Variants in CNTN1 observed in about 807,000 individuals in gnomAD.
CNTN1 encodes the protein contactin-1.
Under a neutral mutation model 126.4 loss-of-function variants are expected in CNTN1, and 38 were observed. That is an observed-to-expected ratio of 0.30 (90% CI 0.23 to 0.39). The LOEUF is 0.39. Ranked by LOEUF, CNTN1 falls within the 10% of genes least tolerant of loss-of-function variation. The pLI is 1.00. For synonymous variants in CNTN1, 413 were observed against 422.6 expected (o/e 0.98, Z 0.28); for missense variants, 1,009 against 1,248.4 (o/e 0.81, Z 2.89).
At chr12:40,767,387 C>A (rs1939145042) in intron 1 of CNTN1, among the ~76,000 whole-genome samples, 1 of 136,568 alleles carries the variant, frequency 7.3e-6, no homozygotes, top group Non-Finnish European at 1.5e-5. Context: ...CGGCTCACTG[C>A]AAGCTCTGCC....
At chr12:40,714,315 G>A (rs552282834) in intron 1 of CNTN1, among the ~76,000 whole-genome samples, 1 of 152,172 alleles carries the variant, frequency 6.6e-6, no homozygotes, top group South Asian at 2.1e-4. Flanking sequence ...TGGGTTGCTG[G>A]ATAGTAACTG....
At chr12:41,014,104 A>G (rs1434482589) in intron 17 of CNTN1, 124 bp from the exon 18 acceptor site, 4 of 795,352 alleles carry the variant, frequency 5.0e-6, no homozygotes, top group African/African-American at 1.7e-5. Flanking sequence ...TTTGTCCAGT[A>G]TGTTTTTCCT....
intron 23 of CNTN1, among the ~76,000 whole-genome samples, chr12:41,051,893 AACACACACACACACACAC>A (rs71078300): frequency 2.4e-4 from 32 of 134,586 alleles, no homozygotes; most frequent in East Asian, 4.7e-4. Context: ...ACCCCACACA[AACACACACACACACACAC>A]ACACACACAC....
At chr12:40,905,981 TA>T (rs1944794862) in intron 1 of CNTN1, among the ~76,000 whole-genome samples, 1 of 152,160 alleles carries the variant, frequency 6.6e-6, no homozygotes, top group Non-Finnish European at 1.5e-5. Context: ...TCCTGTCCTC[TA>T]AAAGAATTGT....
rs560256001 is a variant in CNTN1, at chr12:41,067,769, A to T, written c.2981-2190A>T. Among the ~76,000 whole-genome samples the T allele has an allele frequency of 9.2e-5, 14 of 151,928 alleles. No homozygotes were observed. In the South Asian group the frequency reaches 1.2e-3, roughly 14 times the overall value. ...TACCCTAAAACTTAAAGTATAATAA[A>T]AAAAAAAAGGCTTCAGGATGGATCA... On this transcript the variant is annotated intron_variant, in intron 23 of 23. Transcript: ENST00000551295.
rs544330073 is a variant in CNTN1 at position 41,072,031 on chromosome 12, T to C, written c.*1996T>C. 2.9e-4 allele frequency: 44 copies of C among 152,076 alleles called. No individual in the cohort carries two copies. Among genetic ancestry groups the C allele is most frequent in the African/African-American group, 1.1e-3 (44 of 41,542 alleles). 9.4% of individuals were successfully genotyped at this position (152,076 alleles called of 1,614,324 possible). On this transcript the variant is annotated 3_prime_UTR_variant, in exon 24 of 24. Coordinates refer to ENST00000551295, the MANE Select transcript of CNTN1 (RefSeq NM_001843.4). ...GTAAGAGGAAAACAGACTTTGGAGG[T>C]TGTTTAGTTTTGAATTTCTGACAGA...
rs1374891415 is a variant in CNTN1, at chr12:40,936,825, A to G, written c.1030A>G (p.Ile344Val). The G allele has an allele frequency of 3.1e-6, 5 of 1,613,270 alleles. No homozygotes were observed. The highest frequency in any genetic ancestry group is 1.6e-4 in the Middle Eastern group (1 of 6,078). ...ACACATCAATGACACAGAGGTGGAC[A>G]TAGGCAGTGATCTCTACTGGCCTTG... is the stretch of plus-strand genomic sequence containing the variant. ...VEHINDTEVDIGSDLYWPCVA... is the reference protein window; with the variant it reads ...VEHINDTEVDVGSDLYWPCVA... The change falls in exon 10 of 24, where the codon ATA (isoleucine) becomes GTA (valine). Residue 344 changes from isoleucine to valine, a missense_variant. Coordinates refer to ENST00000551295, the MANE Select transcript of CNTN1 (RefSeq NM_001843.4).
intron 17 of CNTN1, among the ~76,000 whole-genome samples, chr12:41,007,161 G>A (rs1030088559): frequency 8.3e-5 from 11 of 132,926 alleles, no homozygotes; most frequent in African/African-American, 2.0e-4. Context: ...CCGGGTTCAC[G>A]CCATTCTCCT....
At chr12:40,837,449 A>T (rs1447467371) in intron 1 of CNTN1, among the ~76,000 whole-genome samples, 1 of 152,166 alleles carries the variant, frequency 6.6e-6, no homozygotes, top group Admixed American at 6.5e-5. Context: ...AGTCCTGACT[A>T]TAGGAGAACC....
chr12:40,888,630 G>T (rs2136719594), intron 1 of CNTN1, among the ~76,000 whole-genome samples: 1 of 152,246 alleles, frequency 6.6e-6, no homozygotes, highest in South Asian at 2.1e-4. Context: ...AAAAAAGGAA[G>T]TATATAGAAT....
rs1270737020 is a variant in CNTN1 at position 40,944,061 on chromosome 12, A to G, written c.1574A>G (p.Gln525Arg). ...ACAGTTGGAGAAAACGCCACCATGC[A>G]GTGTGCTGCGTCCTTTGATCCTGCC... ...DITVGENATM[Q>R]CAASFDPALD... Residue 525 changes from glutamine (Q) to arginine (R), a missense_variant, in exon 14 of 24, where the codon CAG becomes CGG. Coordinates refer to ENST00000551295, the MANE Select transcript of CNTN1 (RefSeq NM_001843.4). 5 of 1,613,574 alleles carry G rather than the reference A, an allele frequency of 3.1e-6. No individual in the cohort carries two copies. Among genetic ancestry groups the G allele is most frequent in the South Asian group, 1.1e-5 (1 of 91,076 alleles).
At chr12:41,020,106 AAATG>A (rs1176179279) in intron 19 of CNTN1, among the ~76,000 whole-genome samples, 1 of 152,148 alleles carries the variant, frequency 6.6e-6, no homozygotes, top group East Asian at 1.9e-4. Context: ...ACATTTATGT[AAATG>A]AATGTGTGTG....
At chr12:41,003,295 A>G (rs1220023208) in intron 17 of CNTN1, among the ~76,000 whole-genome samples, 1 of 152,184 alleles carries the variant, frequency 6.6e-6, no homozygotes. Context: ...GATAAAGTCT[A>G]CTTGATTGCC....
At chr12:40,924,425 C>G in intron 5 of CNTN1, 132 bp from the exon 6 acceptor site, 2 of 672,648 alleles carry the variant, frequency 3.0e-6, no homozygotes, top group East Asian at 2.8e-5. Context: ...GCTGACTTTA[C>G]TAGGCTTCAC....
chr12:41,048,863 G>A (rs1458326940), intron 23 of CNTN1, among the ~76,000 whole-genome samples: 4 of 152,134 alleles, frequency 2.6e-5, no homozygotes, highest in Non-Finnish European at 5.9e-5. Context: ...CTTCTTTGGA[G>A]TAAAATTCAA....
intron 20 of CNTN1, among the ~76,000 whole-genome samples, chr12:41,020,776 T>C (rs1312623316): frequency 6.6e-6 from 1 of 152,214 alleles, no homozygotes. Flanking sequence ...GGAAAGCATT[T>C]TGGTAATTTA....
chr12:40,804,421 T>C (rs1359899815), intron 1 of CNTN1, among the ~76,000 whole-genome samples: 1 of 152,064 alleles, frequency 6.6e-6, no homozygotes, highest in East Asian at 1.9e-4. Context: ...TCGCAGTTGT[T>C]GTTTTGAAAA....
At chr12:40,872,201 C>T (rs965550067) in intron 1 of CNTN1, among the ~76,000 whole-genome samples, 6 of 122,010 alleles carry the variant, frequency 4.9e-5, no homozygotes, top group African/African-American at 1.9e-4. Flanking sequence ...AGGGTTTTTC[C>T]GTTGCTTTGT....
At chr12:41,053,958 A>C (rs1949744903) in intron 23 of CNTN1, among the ~76,000 whole-genome samples, 1 of 151,770 alleles carries the variant, frequency 6.6e-6, no homozygotes, top group Non-Finnish European at 1.5e-5. Context: ...AATTGTGTTC[A>C]TGGAAACTTG....
Sources: allele counts gnomAD v4.1 joint callset (sites outside exome capture counted in the v4.1 genomes callset), GRCh38; gene constraint gnomAD v4.1.1; transcripts MANE v1.5; gene names NCBI Gene and HGNC (gene_info 2026-07-23, HGNC 2026-07-21).